RAP1GAP: variants seen among roughly 807,000 people sequenced by gnomAD.
RAP1GAP encodes the protein RAP1 GTPase activating protein, also known as rap1 GTPase-activating protein 1.
Under a neutral mutation model 87.2 loss-of-function variants are expected in RAP1GAP, and 35 were observed. That is an observed-to-expected ratio of 0.40 (90% CI 0.31 to 0.53). The LOEUF is 0.53. Ranked by LOEUF, RAP1GAP falls within the 20% of genes least tolerant of loss-of-function variation. The probability of loss-of-function intolerance (pLI) is 0.48; values close to 1 mark genes in which losing one functional copy is unlikely to be tolerated. For missense variants in RAP1GAP, 734 were observed against 898.9 expected, an observed-to-expected ratio of 0.82 and a Z score of 2.35; for synonymous variants, 375 against 363.9, an observed-to-expected ratio of 1.03 and a Z score of -0.35.
Position 21,634,845 on chromosome 1 carries a change from G to A in RAP1GAP, c.-112-8448C>T, listed in dbSNP as rs12045185. ...AAAACCTGACCCTTCCCACCCCACCGAGGACTTCAGTGTGGACTGACTCCT... is the reference window on the plus strand; with the variant it reads ...AAAACCTGACCCTTCCCACCCCACCAAGGACTTCAGTGTGGACTGACTCCT... On this transcript the variant is annotated intron_variant, in intron 2 of 24. Coordinates refer to ENST00000374765, the MANE Select transcript of RAP1GAP (RefSeq NM_002885.4). The surrounding 1 kb of genome is among the most constrained non-coding windows in gnomAD (Gnocchi z 4.1). 0.12 allele frequency: 42,125 copies of A among 347,826 alleles called. 3,936 individuals carry two copies. Among genetic ancestry groups the A allele is most frequent in the Admixed American group, 0.28 (10,322 of 36,660 alleles). 21.5% of individuals were successfully genotyped at this position (347,826 alleles called of 1,614,324 possible). A position where few individuals can be genotyped will look rare whatever the true frequency, so the allele number is the denominator to read the frequency against.
intron 3 of RAP1GAP, among the ~76,000 whole-genome samples, chr1:21,620,566 T>C (rs2086352382): frequency 6.6e-6 from 1 of 152,118 alleles, no homozygotes; most frequent in Admixed American, 6.5e-5. Flanking sequence ...ATGAGCCACC[T>C]GAACCCTCGC....
intron 2 of RAP1GAP, among the ~76,000 whole-genome samples, chr1:21,647,010 A>G (rs142860114): frequency 6.6e-6 from 1 of 152,208 alleles, no homozygotes; most frequent in East Asian, 1.9e-4. Context: ...GTGGGGGAAA[A>G]TCACCTCCTC....
chr1:21,637,092 G>A (rs1479646833), intron 2 of RAP1GAP, among the ~76,000 whole-genome samples: 1 of 151,868 alleles, frequency 6.6e-6, no homozygotes, highest in Admixed American at 6.6e-5. Flanking sequence ...GAGCGGTGGG[G>A]GGTTTGACTG....
intron 18 of RAP1GAP, among the ~76,000 whole-genome samples, chr1:21,604,933 G>C (rs1202407278): frequency 3.1e-5 from 4 of 127,054 alleles, no homozygotes; most frequent in Non-Finnish European, 6.8e-5. Context: ...GGATGGGTGG[G>C]TGGATGGGTG....
intron 4 of RAP1GAP, 140 bp from the exon 5 acceptor site, chr1:21,619,212 C>A (rs1353071923): frequency 3.6e-6 from 3 of 837,084 alleles, no homozygotes; most frequent in Admixed American, 2.4e-5. Context: ...TGCTAGCTGG[C>A]TGGGGGCCCT....
At chr1:21,642,318 T>C (rs1171459619) in intron 2 of RAP1GAP, among the ~76,000 whole-genome samples, 1 of 152,194 alleles carries the variant, frequency 6.6e-6, no homozygotes, top group African/African-American at 2.4e-5. Flanking sequence ...GTAACCGCAA[T>C]AGCTGGCATC....
chr1:21,606,414 G>A (rs11582417), intron 17 of RAP1GAP, among the ~76,000 whole-genome samples: 2,585 of 152,334 alleles, frequency 0.017, 42 homozygotes, highest in Non-Finnish European at 0.026. Context: ...GGTACATACG[G>A]GGCCTAAGGG....
chr1:21,633,622 G>A (rs943444873), intron 2 of RAP1GAP, among the ~76,000 whole-genome samples: 8 of 152,098 alleles, frequency 5.3e-5, no homozygotes, highest in Admixed American at 4.6e-4. Context: ...CACAGGCTGG[G>A]AGACCGGACA....
chr1:21,634,727 G>A lies in RAP1GAP; in HGVS notation c.-112-8330C>T, dbSNP rs1205711656. ...TGGTCACGGGACCGGTCCCTGCCCA[G>A]GGCACAGCATCTGGGAACCAGGCCA... On this transcript the variant is annotated intron_variant, in intron 2 of 24. Transcript: ENST00000374765. This position sits in a 1 kb window ranked among gnomAD's most constrained non-coding sequence, Gnocchi z 4.1. The A allele has an allele frequency of 2.2e-6, 1 of 459,068 alleles. No individual in the cohort carries two copies. The highest frequency in any genetic ancestry group is 2.2e-5 in the Admixed American group (1 of 46,132). 28.4% of individuals were successfully genotyped at this position (459,068 alleles called of 1,614,324 possible).
chr1:21,599,310 G>T (rs143575940), intron 21 of RAP1GAP, among the ~76,000 whole-genome samples, 184 bp downstream of exon 21: 4 of 152,310 alleles, frequency 2.6e-5, no homozygotes, highest in African/African-American at 9.6e-5. Flanking sequence ...CCTGTGGACA[G>T]TGCTGGGGAG....
chr1:21,651,315 G>A (rs1014849234), intron 1 of RAP1GAP: 2 of 428,296 alleles, frequency 4.7e-6, no homozygotes, highest in African/African-American at 2.0e-5. Flanking sequence ...GTCACTGAGG[G>A]GCCCAACAGC....
At chr1:21,638,776 C>T (rs558080498) in intron 2 of RAP1GAP, among the ~76,000 whole-genome samples, 63 of 152,206 alleles carry the variant, frequency 4.1e-4, no homozygotes, top group Non-Finnish European at 7.8e-4. Flanking sequence ...TATGACTCAG[C>T]TCCCTGAGCA....
intron 13 of RAP1GAP, 71 bp from the exon 14 acceptor site, chr1:21,610,346 G>GT (rs2077457257): frequency 2.5e-5 from 39 of 1,539,900 alleles, no homozygotes; most frequent in Non-Finnish European, 3.3e-5. Flanking sequence ...TGCCCACGGG[G>GT]GTTTAGGAGG....
At position 21,617,345 on chromosome 1, in the gene RAP1GAP, G is replaced by A. The variant is rs2082914643; in HGVS notation, c.252C>T (p.Asn84=). The part of the protein sequence containing the change: ...SPTTKVKLEC[N]PTARIYRKHF... ...GCTTCCGGTAGATGCGGGCTGTGGG[G>A]TTGCACTCGAGCTTCACCTTGGTTG... The change falls in exon 7 of 25, where the codon AAC becomes AAT. Residue 84 remains asparagine (N), a synonymous_variant. Transcript: ENST00000374765. 6.3e-7 allele frequency: 1 copy of A among 1,595,722 alleles called. No homozygotes were observed. The highest frequency in any genetic ancestry group is 8.5e-7 in the Non-Finnish European group (1 of 1,171,018).
At chr1:21,666,715 G>T (rs1485488137) in intron 1 of RAP1GAP, among the ~76,000 whole-genome samples, 1 of 152,200 alleles carries the variant, frequency 6.6e-6, no homozygotes, top group Non-Finnish European at 1.5e-5. Flanking sequence ...ATTCATGCGT[G>T]TGTGCACCCA....
At position 21,613,677 on chromosome 1, in the gene RAP1GAP, A is replaced by T. The variant is rs2079951406; in HGVS notation, c.425T>A (p.Ile142Asn). The change falls in exon 9 of 25, where the codon ATC (isoleucine) becomes AAC (asparagine). Residue 142 changes from isoleucine (I) to asparagine (N), a missense_variant. Around this residue, in one of 2 missense-constraint regions of RAP1GAP, gnomAD observed 485 missense variants for 646.2 expected, o/e 0.75. Coordinates refer to ENST00000374765, the MANE Select transcript of RAP1GAP (RefSeq NM_002885.4). The surrounding 1 kb of genome is among the most constrained non-coding windows in gnomAD (Gnocchi z 4.7). ...RTKCRTYHDVIPISCLTEFPN... is the reference protein window; with the variant it reads ...RTKCRTYHDVNPISCLTEFPN... Reference sequence around the variant, plus strand: ...GAACTCGGTGAGGCAGGAGATGGGGATGACATCATGGTATGTCCGGCACTT... The same window carrying T: ...GAACTCGGTGAGGCAGGAGATGGGGTTGACATCATGGTATGTCCGGCACTT... 6.2e-7 allele frequency: 1 copy of T among 1,613,510 alleles called. No individual in the cohort carries two copies. The highest frequency in any genetic ancestry group is 1.1e-5 in the South Asian group (1 of 91,072).
In RAP1GAP at chr1:21,610,104, C is replaced by T. The variant is rs1334960000; in HGVS notation, c.999+16G>A. On this transcript the variant is annotated intron_variant, in intron 14 of 24. Transcript: ENST00000374765. ...GGCCCTTGCTGATGCCCCTGGGAGG[C>T]TCCAAGAGCGCCCACCTTGTAGAGG... 6.2e-7 allele frequency: 1 copy of T among 1,612,792 alleles called. No homozygotes were observed. Among genetic ancestry groups the T allele is most frequent in the Non-Finnish European group, 8.5e-7 (1 of 1,179,472 alleles).
rs752866069 is a variant in RAP1GAP, at chr1:21,608,934, C to G, written c.1074G>C (p.Gly358=). The G allele has an allele frequency of 6.8e-6, 11 of 1,611,338 alleles. 1 individual carries two copies. In the Admixed American group the frequency reaches 1.3e-4, roughly 20 times the overall value. Residue 358 remains glycine, a splice_region_variant and synonymous_variant, in exon 16 of 25, where the codon GGG becomes GGC. Transcript: ENST00000374765. Reference sequence around the variant, plus strand: ...TCAGCAAAAATTCCTGGAACTCAGGCCCCTGGAAACTCCCAGTGTGGAGGA... The same window carrying G: ...TCAGCAAAAATTCCTGGAACTCAGGGCCCTGGAAACTCCCAGTGTGGAGGA... ...PLPDPAVFRK[G]PEFQEFLLTK... is the part of the protein sequence containing the mutation.
At chr1:21,618,556 GC>G (rs2083956423) in intron 5 of RAP1GAP, among the ~76,000 whole-genome samples, 1 of 152,028 alleles carries the variant, frequency 6.6e-6, no homozygotes, top group South Asian at 2.1e-4. Flanking sequence ...GGGCACCCAG[GC>G]CTGCCTCCCT....
Sources: allele counts gnomAD v4.1 joint callset (sites outside exome capture counted in the v4.1 genomes callset), GRCh38; gene constraint gnomAD v4.1.1; regional missense constraint gnomAD v4.1.1; non-coding constraint Gnocchi (gnomAD v3.1); transcripts MANE v1.5; gene names NCBI Gene and HGNC (gene_info 2026-07-23, HGNC 2026-07-21).